ARL13B: variants seen among roughly 807,000 people sequenced by gnomAD.
ARL13B encodes the protein ADP-ribosylation factor-like protein 13B.
A neutral mutation model predicts 56.1 loss-of-function variants in ARL13B; 36 were observed. The ratio of observed to expected loss-of-function variants is 0.64; its 90% confidence interval spans 0.49 to 0.85. The LOEUF (loss-of-function observed/expected upper bound fraction) is 0.85. Among genes scored for constraint, ARL13B ranks in the 40% least tolerant of loss-of-function variants. ARL13B has a pLI of 0.00. For synonymous variants in ARL13B, 178 were observed against 171.1 expected (o/e 1.04, Z -0.32); for missense variants, 519 against 507.1 (o/e 1.02, Z -0.23).
Position 94,054,661 on chromosome 3 carries a change from A to G in ARL13B, c.*1398A>G, listed in dbSNP as rs1284369068. Reference sequence around the variant, plus strand: ...TACTTTAAAAATTGTACTTCAGAACATCAGATTTTATTCACATTTTTTAAC... The same window carrying G: ...TACTTTAAAAATTGTACTTCAGAACGTCAGATTTTATTCACATTTTTTAAC... On this transcript the variant is annotated 3_prime_UTR_variant, in exon 10 of 10. Coordinates refer to ENST00000394222, the MANE Select transcript of ARL13B (RefSeq NM_001174150.2). 2 of 382,340 alleles carry G rather than the reference A, an allele frequency of 5.2e-6. No individual in the cohort carries two copies. Among genetic ancestry groups the G allele is most frequent in the Non-Finnish European group, 1.0e-5 (2 of 196,786 alleles). The allele number at this position is 382,340 out of a possible 1,614,324, so 23.7% of individuals were successfully genotyped here. A position where few individuals can be genotyped will look rare whatever the true frequency, so the allele number is the denominator to read the frequency against.
chr3:94,003,882 T>A lies in ARL13B; in HGVS notation c.354T>A (p.Pro118=). ...KEAMSEMLRH[P]RISGKPILVL... ...CTATGTCAGAAATGCTAAGACATCC[T>A]AGGATATCGGGAAAGCCTATATTGG... Residue 118 remains proline (P), a synonymous_variant, in exon 3 of 10, where the codon CCT becomes CCA. Transcript: ENST00000394222. 6.2e-7 allele frequency: 1 copy of A among 1,613,364 alleles called. No individual in the cohort carries two copies. The highest frequency in any genetic ancestry group is 8.5e-7 in the Non-Finnish European group (1 of 1,179,554).
intron 2 of ARL13B, among the ~76,000 whole-genome samples, chr3:94,000,331 A>AC (rs1014780169): frequency 2.6e-5 from 4 of 151,958 alleles, no homozygotes; most frequent in Admixed American, 6.6e-5. Context: ...CCTCATGGCC[A>AC]CCCCTTGCTG....
At chr3:93,980,619 C>CT in intron 1 of ARL13B, 137 bp downstream of exon 1, 3 of 1,067,200 alleles carry the variant, frequency 2.8e-6, no homozygotes, top group Non-Finnish European at 4.1e-6. Flanking sequence ...CAGGGTGTCC[C>CT]GGGAGGGAGA....
rs1283412017 is a variant in ARL13B, at chr3:94,054,819, A to C, written c.*1556A>C. The C allele has an allele frequency of 2.7e-6, 1 of 375,198 alleles. No homozygotes were observed. Among genetic ancestry groups the C allele is most frequent in the Admixed American group, 3.3e-5 (1 of 30,508 alleles). 23.2% of individuals were successfully genotyped at this position (375,198 alleles called of 1,614,324 possible). The stretch of plus-strand genomic sequence containing the variant: ...TGATTTCAGATCTAAAATTCGTAAC[A>C]ACCTAAATTTGAGAGGTGGCTGAAA... On this transcript the variant is annotated 3_prime_UTR_variant, in exon 10 of 10. Transcript: ENST00000394222.
At chr3:94,034,387 A>G (rs2076731555) in intron 3 of ARL13B, among the ~76,000 whole-genome samples, 1 of 152,128 alleles carries the variant, frequency 6.6e-6, no homozygotes, top group Non-Finnish European at 1.5e-5. Context: ...GTATTTTATT[A>G]AACTTTTAAA....
intron 4 of ARL13B, among the ~76,000 whole-genome samples, chr3:94,036,106 AG>A (rs2076763434): frequency 6.6e-6 from 1 of 152,178 alleles, no homozygotes; most frequent in Non-Finnish European, 1.5e-5. Flanking sequence ...AAATCATATC[AG>A]GAGAGATGTC....
chr3:94,009,841 G>A (rs1276504350), intron 3 of ARL13B, among the ~76,000 whole-genome samples: 1 of 152,092 alleles, frequency 6.6e-6, no homozygotes, highest in African/African-American at 2.4e-5. Context: ...GTAATTTACA[G>A]TAAAGATTCT....
At position 94,036,753 on chromosome 3, in the gene ARL13B, A is replaced by G; in HGVS notation, c.688A>G (p.Arg230Gly). 1 of 1,607,518 alleles carries G rather than the reference A, an allele frequency of 6.2e-7. No individual in the cohort carries two copies. Among genetic ancestry groups the G allele is most frequent in the South Asian group, 1.1e-5 (1 of 89,988 alleles). ...ACGAGTGCGAAAATTACGAGAAGAA[A>G]GGTAAGTAGATTAATTTTGTACCAC... Reference protein sequence around the residue: ...AERVRKLREERKQNEQEQAEL... With the variant: ...AERVRKLREEGKQNEQEQAEL... Residue 230 changes from arginine (R) to glycine (G), a missense_variant and splice_region_variant, in exon 5 of 10, where the codon AGA (arginine) becomes GGA (glycine). Coordinates refer to ENST00000394222, the MANE Select transcript of ARL13B (RefSeq NM_001174150.2).
intron 4 of ARL13B, 24 bp downstream of exon 4, chr3:94,035,460 ATT>A: frequency 7.3e-7 from 1 of 1,377,326 alleles, no homozygotes; most frequent in Non-Finnish European, 1.0e-6. Flanking sequence ...TTTTTTTTTA[ATT>A]TTAATTTTTT....
chr3:94,040,873 A>G lies in ARL13B; in HGVS notation c.798+885A>G, dbSNP rs988986757. On this transcript the variant is annotated intron_variant, in intron 6 of 9. Coordinates refer to ENST00000394222, the MANE Select transcript of ARL13B (RefSeq NM_001174150.2). ...CTAATTATTTTATAGTACCATGGGT[A>G]TAAATTGTGTAGAAGGCTCTAGTGC... Among the ~76,000 whole-genome samples the G allele has an allele frequency of 5.9e-5, 9 of 152,290 alleles. No individual in the cohort carries two copies. The East Asian group carries it at 1.5e-3, about 26-fold the overall frequency.
At chr3:93,983,695 T>C (rs2107318431) in intron 1 of ARL13B, among the ~76,000 whole-genome samples, 1 of 152,282 alleles carries the variant, frequency 6.6e-6, no homozygotes, top group East Asian at 1.9e-4. Context: ...AGATTAACTT[T>C]TTTTCCTTGC....
chr3:94,033,568 A>T (rs1424642591), intron 3 of ARL13B, among the ~76,000 whole-genome samples: 4 of 152,180 alleles, frequency 2.6e-5, no homozygotes, highest in Non-Finnish European at 2.9e-5. Flanking sequence ...TGCAGAAGGA[A>T]TATGGAACTA....
chr3:94,042,434 T>C (rs1047206468), intron 6 of ARL13B, among the ~76,000 whole-genome samples: 6 of 152,232 alleles, frequency 3.9e-5, no homozygotes, highest in Non-Finnish European at 5.9e-5. Context: ...TGTTCATTGA[T>C]ACAGAATTGG....
intron 2 of ARL13B, among the ~76,000 whole-genome samples, chr3:93,997,770 TGA>T (rs1354909370): frequency 6.6e-6 from 1 of 152,180 alleles, no homozygotes; most frequent in Non-Finnish European, 1.5e-5. Flanking sequence ...GCAGATCACC[TGA>T]GGACAGGAGT....
At chr3:94,052,820 C>T (rs1219547496) in intron 9 of ARL13B, among the ~76,000 whole-genome samples, 1 of 151,878 alleles carries the variant, frequency 6.6e-6, no homozygotes, top group Non-Finnish European at 1.5e-5. Context: ...GGGTAAGAAT[C>T]CAAATTTGGG....
chr3:94,000,008 A>G (rs1216142781), intron 2 of ARL13B, among the ~76,000 whole-genome samples: 1 of 152,206 alleles, frequency 6.6e-6, no homozygotes, highest in African/African-American at 2.4e-5. Flanking sequence ...TTCAGCTAGA[A>G]GGAAGAGGTA....
At position 93,995,851 on chromosome 3, in the gene ARL13B, T is replaced by C. The variant is rs372602852; in HGVS notation, c.60-23T>C. The C allele has an allele frequency of 2.5e-6, 4 of 1,589,844 alleles. No homozygotes were observed. The African/African-American group carries it at 5.5e-5, about 22-fold the overall frequency. ...ATACTAAATTAACAAAGAAAGTGAT[T>C]TTTAAATTTCTATTATTTTAAGAAA... On this transcript the variant is annotated intron_variant, in intron 1 of 9. Coordinates refer to ENST00000394222, the MANE Select transcript of ARL13B (RefSeq NM_001174150.2).
At chr3:94,000,091 T>C (rs919939058) in intron 2 of ARL13B, among the ~76,000 whole-genome samples, 1 of 152,210 alleles carries the variant, frequency 6.6e-6, no homozygotes, top group Non-Finnish European at 1.5e-5. Context: ...TTAGTTCACA[T>C]CATGACTAGA....
At chr3:94,038,148 T>C (rs1040017586) in intron 5 of ARL13B, among the ~76,000 whole-genome samples, 10 of 152,330 alleles carry the variant, frequency 6.6e-5, no homozygotes, top group Admixed American at 6.5e-4. Context: ...TTCCTGAAGT[T>C]GCTTACTAAT....
Sources: allele counts gnomAD v4.1 joint callset (sites outside exome capture counted in the v4.1 genomes callset), GRCh38; gene constraint gnomAD v4.1.1; transcripts MANE v1.5; gene names NCBI Gene and HGNC (gene_info 2026-07-23, HGNC 2026-07-21).